Variants in RNF212B observed in about 807,000 individuals in gnomAD.
RNF212B encodes ring finger protein 212B.
A neutral mutation model predicts 55.5 loss-of-function variants in RNF212B; 52 were observed. The observed-to-expected ratio is 0.94, with a 90% CI of 0.75 to 1.18. The LOEUF is 1.18. RNF212B is among the 50% of genes most tolerant of loss of function. RNF212B has a pLI of 0.00. For missense variants in RNF212B, 289 were observed against 350.4 expected (o/e 0.82, Z 1.40); for synonymous variants, 99 against 121.4 (o/e 0.82, Z 1.21).
intron 4 of RNF212B, among the ~76,000 whole-genome samples, chr14:23,248,497 AG>A (rs1884164293): frequency 7.7e-6 from 1 of 129,044 alleles, no homozygotes; most frequent in African/African-American, 3.0e-5. Context: ...ACTGGAGTGC[AG>A]TGGCACGATC....
Position 23,213,026 on chromosome 14 carries a change from A to G in RNF212B, c.-2+19625A>G, listed in dbSNP as rs139585390. Among the ~76,000 whole-genome samples the G allele has an allele frequency of 4.9e-4, 74 of 152,008 alleles. 1 individual carries two copies. The South Asian group carries it at 6.9e-3, about 14-fold the overall frequency. ...AAAGACCTGTACACTAAAAATTATA[A>G]CACAGGCCGGGCATGGTGGGTTATG... On this transcript the variant is annotated intron_variant, in intron 2 of 15. Transcript: ENST00000399910.
At chr14:23,242,070 A>G (rs1323039653) in intron 2 of RNF212B, among the ~76,000 whole-genome samples, 2 of 137,290 alleles carry the variant, frequency 1.5e-5, no homozygotes, top group African/African-American at 5.5e-5. Context: ...CGACAGAGCA[A>G]GACTCCGTCT....
chr14:23,189,361 CT>C (rs1217396197), intron 1 of RNF212B, among the ~76,000 whole-genome samples: 4 of 152,132 alleles, frequency 2.6e-5, no homozygotes, highest in African/African-American at 9.7e-5. Flanking sequence ...TGTATCTCCC[CT>C]ATTTGTGCAC....
At chr14:23,192,815 G>A (rs1199748515) in intron 1 of RNF212B, among the ~76,000 whole-genome samples, 1 of 152,098 alleles carries the variant, frequency 6.6e-6, no homozygotes, top group Non-Finnish European at 1.5e-5. Context: ...TTTATGGCCA[G>A]GTGCGGTGGC....
intron 2 of RNF212B, among the ~76,000 whole-genome samples, chr14:23,218,960 C>A (rs1881328064): frequency 6.6e-6 from 1 of 151,804 alleles, no homozygotes; most frequent in African/African-American, 2.4e-5. Flanking sequence ...AGAAAAGAAA[C>A]AAATAACAAA....
At chr14:23,220,106 C>T (rs1324324548) in intron 2 of RNF212B, among the ~76,000 whole-genome samples, 1 of 152,002 alleles carries the variant, frequency 6.6e-6, no homozygotes, top group Non-Finnish European at 1.5e-5. Context: ...ATCCCTTGAA[C>T]CTGGGAGGCA....
chr14:23,188,047 G>A (rs1348447100), intron 1 of RNF212B: 1 of 152,170 alleles, frequency 6.6e-6, no homozygotes, highest in Non-Finnish European at 1.5e-5. Context: ...TTGCCTTTTG[G>A]GCATATTCAT....
intron 2 of RNF212B, among the ~76,000 whole-genome samples, chr14:23,207,992 T>C (rs1880014632): frequency 6.6e-6 from 1 of 152,214 alleles, no homozygotes; most frequent in African/African-American, 2.4e-5. Flanking sequence ...TGTTAGCCTT[T>C]CCAAAGGAGG....
At chr14:23,223,046 C>A (rs1881701125) in intron 2 of RNF212B, among the ~76,000 whole-genome samples, 1 of 105,438 alleles carries the variant, frequency 9.5e-6, no homozygotes, top group Non-Finnish European at 1.8e-5. Flanking sequence ...AAGAGTGAAA[C>A]TCCGTCTCAA....
At chr14:23,264,744 T>C (rs1040119547) in intron 11 of RNF212B, 73 bp downstream of exon 11, 50 of 920,816 alleles carry the variant, frequency 5.4e-5, no homozygotes, top group Non-Finnish European at 7.0e-5. Context: ...TGGTTTTCTA[T>C]GCATAATATA....
At chr14:23,243,715 A>AG (rs1214161618) in intron 3 of RNF212B, among the ~76,000 whole-genome samples, 121 of 139,032 alleles carry the variant, frequency 8.7e-4, no homozygotes, top group African/African-American at 3.5e-3. Context: ...AAAAAAAAAA[A>AG]AAAAGCAAGC....
At chr14:23,219,752 A>G (rs924732961) in intron 2 of RNF212B, among the ~76,000 whole-genome samples, 1 of 152,052 alleles carries the variant, frequency 6.6e-6, no homozygotes, top group African/African-American at 2.4e-5. Flanking sequence ...GATTACAGAC[A>G]TGAGCCACCA....
intron 2 of RNF212B, among the ~76,000 whole-genome samples, chr14:23,222,635 G>T (rs1057430549): frequency 2.0e-5 from 3 of 152,126 alleles, no homozygotes; most frequent in Admixed American, 1.3e-4. Context: ...CATTCTATGA[G>T]GCCAGTATTT....
chr14:23,249,706 ATTCC>A (rs1884265272), intron 4 of RNF212B, among the ~76,000 whole-genome samples: 1 of 152,202 alleles, frequency 6.6e-6, no homozygotes, highest in Non-Finnish European at 1.5e-5. Context: ...GTGAGGTAGT[ATTCC>A]TTTGATCATA....
intron 2 of RNF212B, among the ~76,000 whole-genome samples, chr14:23,226,618 G>A (rs1882045244): frequency 6.6e-6 from 1 of 151,932 alleles, no homozygotes; most frequent in African/African-American, 2.4e-5. Context: ...GTGACAGAGC[G>A]AGACTCTGTA....
chr14:23,194,053 G>C (rs1878391716), intron 2 of RNF212B, among the ~76,000 whole-genome samples: 1 of 152,108 alleles, frequency 6.6e-6, no homozygotes. Flanking sequence ...TGTTGGCCAG[G>C]CTGGTCTGGA....
chr14:23,232,716 CGCCCCGTCCGGG>C (rs1882777053), intron 2 of RNF212B, among the ~76,000 whole-genome samples: 1 of 150,482 alleles, frequency 6.6e-6, no homozygotes, highest in East Asian at 2.0e-4. Context: ...CCCGGCCAGC[CGCCCCGTCCGGG>C]AGGGAGGTGG....
At chr14:23,256,020 CAAAG>C (rs1276291842) in intron 4 of RNF212B, among the ~76,000 whole-genome samples, 5 of 152,100 alleles carry the variant, frequency 3.3e-5, no homozygotes, top group Non-Finnish European at 7.4e-5. Flanking sequence ...GACAAGTAGA[CAAAG>C]TAGGTTTGCT....
At chr14:23,198,000 CA>C (rs1240199229) in intron 2 of RNF212B, among the ~76,000 whole-genome samples, 3 of 152,034 alleles carry the variant, frequency 2.0e-5, no homozygotes, top group Non-Finnish European at 4.4e-5. Context: ...GTACATTGAT[CA>C]GTTAGGGTGG....
Sources: allele counts gnomAD v4.1 joint callset (sites outside exome capture counted in the v4.1 genomes callset), GRCh38; gene constraint gnomAD v4.1.1; transcripts MANE v1.5; gene names NCBI Gene and HGNC (gene_info 2026-07-23, HGNC 2026-07-21).